The following OSBPL10 variants were observed in gnomAD, a reference collection of about 807,000 sequenced individuals.
The protein encoded by OSBPL10 is oxysterol binding protein like 10, also known as oxysterol-binding protein-related protein 10.
In OSBPL10, 49 loss-of-function variants were observed where a neutral mutation model predicts 81.7. The ratio of observed to expected loss-of-function variants is 0.60; its 90% confidence interval spans 0.48 to 0.76. The LOEUF is 0.76. OSBPL10 is among the 30% of genes least tolerant of loss of function. OSBPL10 has a pLI of 0.00. For synonymous variants in OSBPL10, 419 were observed against 383.6 expected (o/e 1.09, Z -1.08); for missense variants, 923 against 987.8 (o/e 0.93, Z 0.88).
intron 3 of OSBPL10, among the ~76,000 whole-genome samples, chr3:31,846,529 G>A (rs937313129): frequency 2.7e-4 from 41 of 152,098 alleles, no homozygotes; most frequent in African/African-American, 8.7e-4. Context: ...GGGAGGCTGA[G>A]GCTGAGGCTG....
chr3:31,930,411 T>A (rs998888675), intron 1 of OSBPL10, among the ~76,000 whole-genome samples: 1 of 152,166 alleles, frequency 6.6e-6, no homozygotes, highest in Non-Finnish European at 1.5e-5. Context: ...AGGCAACATA[T>A]ATCAAAATTT....
intron 4 of OSBPL10, among the ~76,000 whole-genome samples, chr3:31,801,114 G>A (rs1182674351): frequency 1.3e-5 from 2 of 152,086 alleles, no homozygotes; most frequent in South Asian, 2.1e-4. Context: ...TCAGCCACCT[G>A]GACTTGCTCA....
chr3:31,685,864 G>C (rs1700779947), intron 7 of OSBPL10, among the ~76,000 whole-genome samples: 1 of 152,198 alleles, frequency 6.6e-6, no homozygotes, highest in Non-Finnish European at 1.5e-5. Context: ...GCTGTGGTCT[G>C]AGTTTGTCCT....
intron 8 of OSBPL10, among the ~76,000 whole-genome samples, chr3:31,681,065 T>C (rs1262022013): frequency 1.3e-5 from 2 of 152,202 alleles, no homozygotes; most frequent in Admixed American, 6.5e-5. Context: ...CCCACCTCCA[T>C]CTGAATTGTG....
chr3:31,777,027 CA>C (rs1698566951), intron 4 of OSBPL10, among the ~76,000 whole-genome samples: 1 of 152,192 alleles, frequency 6.6e-6, no homozygotes, highest in Non-Finnish European at 1.5e-5. Flanking sequence ...CAAGATCAGA[CA>C]ACCTTTAATC....
At chr3:32,020,198 G>A (rs1170251226) in intron 2 of OSBPL10, among the ~76,000 whole-genome samples, 1 of 152,116 alleles carries the variant, frequency 6.6e-6, no homozygotes, top group African/African-American at 2.4e-5. Flanking sequence ...TTCACCCATT[G>A]TAAGTATACA....
intron 1 of OSBPL10, among the ~76,000 whole-genome samples, chr3:31,978,015 G>T (rs1007772508): frequency 6.6e-6 from 1 of 152,066 alleles, no homozygotes; most frequent in Non-Finnish European, 1.5e-5. Flanking sequence ...CCTTCCTAAG[G>T]GCATGAGGAT....
intron 3 of OSBPL10, among the ~76,000 whole-genome samples, chr3:31,842,175 G>GAC (rs146338789): frequency 0.048 from 7,312 of 152,212 alleles, 395 homozygotes; most frequent in African/African-American, 0.12. Flanking sequence ...AAGTTAAAAT[G>GAC]ACACACACAC....
At chr3:31,948,068 C>A (rs1321719656) in intron 1 of OSBPL10, among the ~76,000 whole-genome samples, 2 of 152,166 alleles carry the variant, frequency 1.3e-5, no homozygotes, top group East Asian at 3.9e-4. Flanking sequence ...CACCTCCAGG[C>A]TAGAGGGTTC....
intron 6 of OSBPL10, among the ~76,000 whole-genome samples, chr3:31,709,664 G>T (rs1696191155): frequency 6.6e-6 from 1 of 152,170 alleles, no homozygotes; most frequent in South Asian, 2.1e-4. Context: ...GCAAATGAAG[G>T]GGTAGGCAAC....
chr3:31,711,408 G>A (rs147561651), intron 6 of OSBPL10, among the ~76,000 whole-genome samples: 1 of 152,342 alleles, frequency 6.6e-6, no homozygotes, highest in East Asian at 1.9e-4. Context: ...TGGCCATGTG[G>A]TTGTCAGCTT....
chr3:31,689,261 C>T (rs143141300), intron 7 of OSBPL10, among the ~76,000 whole-genome samples: 3 of 152,188 alleles, frequency 2.0e-5, no homozygotes, highest in African/African-American at 7.2e-5. Flanking sequence ...AGACTAGAGA[C>T]ATCATAATGA....
intron 3 of OSBPL10, among the ~76,000 whole-genome samples, chr3:31,857,824 G>GAGAGAGAA (rs1311412388): frequency 0.021 from 485 of 22,908 alleles, 27 homozygotes; most frequent in African/African-American, 0.069. Context: ...GAAAGGGAGA[G>GAGAGAGAA]GGAGAGGGAG....
At chr3:32,057,124 T>G (rs548366351) in intron 1 of OSBPL10, among the ~76,000 whole-genome samples, 1 of 152,340 alleles carries the variant, frequency 6.6e-6, no homozygotes, top group South Asian at 2.1e-4. Flanking sequence ...GCTCATTTCC[T>G]GCAAAATTCA....
At chr3:31,675,361 C>A (rs1700440949) in intron 8 of OSBPL10, among the ~76,000 whole-genome samples, 1 of 152,072 alleles carries the variant, frequency 6.6e-6, no homozygotes, top group Non-Finnish European at 1.5e-5. Flanking sequence ...GAGAATATGC[C>A]ACGACTTTTT....
At position 31,749,250 on chromosome 3, in the gene OSBPL10, T is replaced by G. The variant is rs145515609; in HGVS notation, c.730-1130A>C. 3.3e-3 allele frequency among the ~76,000 whole-genome samples: 508 copies of G among 152,378 alleles called. 2 individuals are homozygous for G. The highest frequency in any genetic ancestry group is 5.6e-3 in the Non-Finnish European group (380 of 68,036). On this transcript the variant is annotated intron_variant, in intron 4 of 11. Transcript: ENST00000396556. ...GACTTGGACACAAAGCTCGTTTCTT[T>G]TTTGCTCAGCCTTTTTTCTCTTTCC...
intron 2 of OSBPL10, chr3:32,037,510 T>C: frequency 5.2e-6 from 1 of 192,932 alleles, no homozygotes; most frequent in Non-Finnish European, 1.1e-5. Context: ...TTTCAATTTT[T>C]TTAACGAGAA....
intron 8 of OSBPL10, among the ~76,000 whole-genome samples, chr3:31,682,101 T>C (rs1272390699): frequency 1.3e-5 from 2 of 152,166 alleles, no homozygotes; most frequent in Non-Finnish European, 2.9e-5. Flanking sequence ...TCCAGATCCT[T>C]ACTACTCCAC....
intron 3 of OSBPL10, among the ~76,000 whole-genome samples, chr3:31,857,256 A>G (rs1056252442): frequency 6.6e-6 from 1 of 152,230 alleles, no homozygotes; most frequent in Non-Finnish European, 1.5e-5. Context: ...TCACTATTTA[A>G]TTCAAATAAA....
Sources: gnomAD v4.1 joint callset for allele counts (sites outside exome capture counted in the v4.1 genomes callset) on GRCh38, gnomAD v4.1.1 for gene constraint, MANE v1.5 for transcripts, NCBI Gene and HGNC (gene_info 2026-07-23, HGNC 2026-07-21) for gene names.